DHRSX: variants seen among roughly 807,000 people sequenced by gnomAD.
DHRSX encodes polyprenol dehydrogenase.
In DHRSX, 31 loss-of-function variants were observed where a neutral mutation model predicts 34.0. That is an observed-to-expected ratio of 0.91 (90% CI 0.69 to 1.23). DHRSX has a LOEUF of 1.23. DHRSX is among the 50% of genes most tolerant of loss of function. The pLI is 0.00. For missense variants in DHRSX, 414 were observed against 428.1 expected (o/e 0.97, Z 0.29); for synonymous variants, 201 against 183.8 (o/e 1.09, Z -0.76).
chrX:2,219,671 G>A lies in DHRSX; in HGVS notation c.*1370C>T, dbSNP rs978498707. The A allele has an allele frequency of 6.6e-6, 1 of 152,164 alleles. No homozygotes were observed. The highest frequency in any genetic ancestry group is 2.4e-5 in the African/African-American group (1 of 41,440). The allele number at this position is 152,164 out of a possible 1,614,324, so 9.4% of individuals were successfully genotyped here. ...AATTGCAGCTGGTTGTGATTCTAAGGTACAGGCATGCCAGGAGCCTGGATT... is the reference window on the plus strand; with the variant it reads ...AATTGCAGCTGGTTGTGATTCTAAGATACAGGCATGCCAGGAGCCTGGATT... On this transcript the variant is annotated 3_prime_UTR_variant, in exon 7 of 7. Coordinates refer to ENST00000334651, the MANE Select transcript of DHRSX (RefSeq NM_145177.3).
At chrX:2,485,550 G>A (rs1367918711) in intron 1 of DHRSX, among the ~76,000 whole-genome samples, 6 of 140,374 alleles carry the variant, frequency 4.3e-5, no homozygotes, top group Admixed American at 3.6e-4. Context: ...AGAAAAGGGA[G>A]GGAGGGACAG....
At chrX:2,302,703 T>C (rs2042028061) in intron 3 of DHRSX, among the ~76,000 whole-genome samples, 2 of 152,160 alleles carry the variant, frequency 1.3e-5, no homozygotes, top group Non-Finnish European at 1.5e-5. Context: ...TGTGAACTGT[T>C]ACTGCAAGCT....
At chrX:2,442,316 G>C (rs148751432) in intron 1 of DHRSX, among the ~76,000 whole-genome samples, 2 of 151,606 alleles carry the variant, frequency 1.3e-5, no homozygotes, top group South Asian at 2.1e-4. Flanking sequence ...TTGCTGTCTC[G>C]GGGGTGGCAG....
chrX:2,298,618 A>ACGCG (rs2041969399), intron 3 of DHRSX, among the ~76,000 whole-genome samples: 1 of 135,362 alleles, frequency 7.4e-6, no homozygotes, highest in African/African-American at 3.8e-5. Context: ...ACACACACAC[A>ACGCG]CACACACACA....
chrX:2,233,522 G>A (rs1484410440), intron 6 of DHRSX, among the ~76,000 whole-genome samples: 4 of 152,110 alleles, frequency 2.6e-5, no homozygotes, highest in Admixed American at 6.6e-5. Flanking sequence ...GGGGGCGCTG[G>A]GGAGACGGTG....
rs188383133 is a variant in DHRSX at position 2,337,007 on chromosome X, T to C, written c.287-45404A>G. Among the ~76,000 whole-genome samples, 166 of 152,240 alleles carry C rather than the reference T, an allele frequency of 1.1e-3. 1 individual carries two copies. The highest frequency in any genetic ancestry group is 3.8e-3 in the African/African-American group (159 of 41,584). On this transcript the variant is annotated intron_variant, in intron 3 of 6. Coordinates refer to ENST00000334651, the MANE Select transcript of DHRSX (RefSeq NM_145177.3). Reference sequence around the variant, plus strand: ...TTGCATTAGAAATGGGGTTTCGCCATGTTGGCCAGGCTGGTCTTGAACTCC... The same window carrying C: ...TTGCATTAGAAATGGGGTTTCGCCACGTTGGCCAGGCTGGTCTTGAACTCC...
chrX:2,307,799 A>T (rs73628291), intron 3 of DHRSX, among the ~76,000 whole-genome samples: 9,380 of 144,372 alleles, frequency 0.065, 434 homozygotes, highest in African/African-American at 0.12. Context: ...TAAAAAAAAT[A>T]AAATAAAAAA....
chrX:2,463,550 G>C (rs939087991), intron 1 of DHRSX, among the ~76,000 whole-genome samples: 1 of 151,982 alleles, frequency 6.6e-6, no homozygotes, highest in Non-Finnish European at 1.5e-5. Context: ...CTGGGTGGGG[G>C]TGGGGAGCTG....
intron 3 of DHRSX, among the ~76,000 whole-genome samples, chrX:2,324,179 G>A (rs2042347899): frequency 1.3e-5 from 2 of 152,068 alleles, no homozygotes; most frequent in South Asian, 2.1e-4. Flanking sequence ...ATACCTGCAT[G>A]TGATAGGGTA....
chrX:2,309,428 A>T (rs1167967439), intron 3 of DHRSX, among the ~76,000 whole-genome samples: 2 of 152,238 alleles, frequency 1.3e-5, no homozygotes, highest in Non-Finnish European at 2.9e-5. Context: ...ATAAAAATGT[A>T]AACTTAAAGA....
intron 1 of DHRSX, among the ~76,000 whole-genome samples, chrX:2,483,515 T>C (rs1466121777): frequency 1.3e-5 from 2 of 152,084 alleles, no homozygotes; most frequent in Admixed American, 6.6e-5. Context: ...GCGATCCGCC[T>C]GCCTCGGCCT....
intron 1 of DHRSX, among the ~76,000 whole-genome samples, chrX:2,439,877 C>T (rs1304754581): frequency 1.3e-5 from 2 of 152,116 alleles, no homozygotes; most frequent in African/African-American, 2.4e-5. Flanking sequence ...CTCACTCACA[C>T]GCTACTCACC....
chrX:2,237,642 T>C, intron 6 of DHRSX, among the ~76,000 whole-genome samples: 1 of 151,916 alleles, frequency 6.6e-6, no homozygotes, highest in Non-Finnish European at 1.5e-5. Context: ...GTAGCTGGGA[T>C]TACAGGTGAC....
chrX:2,267,030 A>C, intron 4 of DHRSX, 83 bp from the exon 5 acceptor site: 13 of 1,397,530 alleles, frequency 9.3e-6, no homozygotes, highest in Non-Finnish European at 1.3e-5. Flanking sequence ...AGATGCGCAA[A>C]TGGCCCAGGA....
chrX:2,347,085 AAAGTAT>A (rs1476274260), intron 3 of DHRSX, among the ~76,000 whole-genome samples: 2 of 152,174 alleles, frequency 1.3e-5, no homozygotes, highest in Admixed American at 6.5e-5. Context: ...ATGGATAAAT[AAAGTAT>A]AAGTATGTTT....
chrX:2,443,292 G>A (rs756476123), intron 1 of DHRSX, among the ~76,000 whole-genome samples: 6 of 151,772 alleles, frequency 4.0e-5, no homozygotes, highest in African/African-American at 9.7e-5. Context: ...ATCAGCCTCC[G>A]AAAGTCCAGG....
intron 2 of DHRSX, 119 bp downstream of exon 2, chrX:2,425,078 T>C (rs1365254231): frequency 1.4e-6 from 1 of 735,720 alleles, no homozygotes; most frequent in Non-Finnish European, 2.3e-6. Flanking sequence ...AGGTGGAGGC[T>C]GCAGTGAGCC....
Position 2,473,027 on chromosome X carries a change from A to G in DHRSX, c.109+27790T>C, listed in dbSNP as rs900121871. 5.6e-4 allele frequency among the ~76,000 whole-genome samples: 85 copies of G among 152,044 alleles called. 1 individual carries two copies. The highest frequency in any genetic ancestry group is 4.7e-3 in the Admixed American group (72 of 15,254). ...CACTGATCAAAGAATGGGTACCACAACTTACTGTCCACTGCAAAGCTCCAT... is the reference window on the plus strand; with the variant it reads ...CACTGATCAAAGAATGGGTACCACAGCTTACTGTCCACTGCAAAGCTCCAT... On this transcript the variant is annotated intron_variant, in intron 1 of 6. Transcript: ENST00000334651.
chrX:2,485,684 G>GGGAA (rs2044881112), intron 1 of DHRSX, among the ~76,000 whole-genome samples: 1 of 81,450 alleles, frequency 1.2e-5, no homozygotes, highest in African/African-American at 7.1e-5. Flanking sequence ...GGGGAGGAAA[G>GGGAA]GGAGGCAGAG....
Sources: allele counts gnomAD v4.1 joint callset (sites outside exome capture counted in the v4.1 genomes callset), GRCh38; gene constraint gnomAD v4.1.1; transcripts MANE v1.5; gene names NCBI Gene and HGNC (gene_info 2026-07-23, HGNC 2026-07-21).